Variants in DMXL1 observed in about 807,000 individuals in gnomAD.
DMXL1 encodes Dmx like 1.
DMXL1 carries 99 observed loss-of-function variants against 319.2 expected under a neutral mutation model. That is an observed-to-expected ratio of 0.31 (90% CI 0.26 to 0.37). The LOEUF (loss-of-function observed/expected upper bound fraction) is 0.37, where lower values mean the gene tolerates loss of function less well. Ranked by LOEUF, DMXL1 falls within the 10% of genes least tolerant of loss-of-function variation. DMXL1 has a pLI of 1.00. For synonymous variants in DMXL1, 1,385 were observed against 1,235.2 expected, an observed-to-expected ratio of 1.12 and a Z score of -2.54; for missense variants, 3,745 against 3,595.6, an observed-to-expected ratio of 1.04 and a Z score of -1.06.
At chr5:119,110,046 T>TA in intron 4 of DMXL1, 105 bp from the exon 5 acceptor site, 1 of 1,076,406 alleles carries the variant, frequency 9.3e-7, no homozygotes, top group African/African-American at 1.7e-5. Flanking sequence ...TTTTTTTTGA[T>TA]ATTTGACTTT....
intron 20 of DMXL1, among the ~76,000 whole-genome samples, chr5:119,164,958 A>G (rs958686795): frequency 4.0e-5 from 6 of 150,904 alleles, no homozygotes; most frequent in African/African-American, 1.4e-4. Context: ...AGTACAGAAG[A>G]ACTTGTAATG....
At chr5:119,224,003 G>A (rs1785098950) in intron 37 of DMXL1, among the ~76,000 whole-genome samples, 3 of 152,072 alleles carry the variant, frequency 2.0e-5, no homozygotes, top group African/African-American at 4.8e-5. Context: ...CTATTTTGGA[G>A]TATAACTGCA....
At chr5:119,119,868 G>A (rs1761658271) in intron 8 of DMXL1, among the ~76,000 whole-genome samples, 1 of 150,190 alleles carries the variant, frequency 6.7e-6, no homozygotes, top group Non-Finnish European at 1.5e-5. Flanking sequence ...TTTTTTTTTT[G>A]GGTGGGGGAG....
intron 19 of DMXL1, among the ~76,000 whole-genome samples, chr5:119,156,766 G>A (rs566739498): frequency 7.3e-4 from 110 of 151,288 alleles, no homozygotes; most frequent in African/African-American, 2.6e-3. Context: ...TTCCATAATG[G>A]CTGTACTAAT....
At chr5:119,129,447 A>T (rs1248232901) in intron 10 of DMXL1, 24 bp downstream of exon 10, 2 of 1,547,754 alleles carry the variant, frequency 1.3e-6, no homozygotes, top group Non-Finnish European at 1.7e-6. Flanking sequence ...GGAAAGGAAA[A>T]TTTAAAGTTT....
intron 42 of DMXL1, among the ~76,000 whole-genome samples, 194 bp from the exon 43 acceptor site, chr5:119,244,165 T>G (rs932168983): frequency 6.6e-6 from 1 of 152,214 alleles, no homozygotes; most frequent in African/African-American, 2.4e-5. Context: ...CCAGTTTGTT[T>G]CCCATCTCTC....
chr5:119,110,896 C>T lies in DMXL1; in HGVS notation c.497+613C>T, dbSNP rs181277774. 9.2e-5 allele frequency among the ~76,000 whole-genome samples: 14 copies of T among 152,342 alleles called. No individual in the cohort carries two copies. The East Asian group carries it at 2.5e-3, about 27-fold the overall frequency. On this transcript the variant is annotated intron_variant, in intron 5 of 43. Coordinates refer to ENST00000539542, the MANE Select transcript of DMXL1 (RefSeq NM_001290321.3). The stretch of plus-strand genomic sequence containing the variant: ...CTCCACCTCCCTGGTTCAAGCAATT[C>T]TCCTGCCTCAGCCTCCTGAGGCACT...
At position 119,146,910 on chromosome 5, in the gene DMXL1, G is replaced by A; in HGVS notation, c.2643G>A (p.Leu881=). The change falls in exon 16 of 44, where the codon CTG becomes CTA. Residue 881 remains leucine, a synonymous_variant. Coordinates refer to ENST00000539542, the MANE Select transcript of DMXL1 (RefSeq NM_001290321.3). Reference sequence around the variant, plus strand: ...AATGCACTCAAGACAACCGTTCACTGTTACACATGTGGAATTTACATCTAA... The same window carrying A: ...AATGCACTCAAGACAACCGTTCACTATTACACATGTGGAATTTACATCTAA... ...VIECTQDNRS[L]LHMWNLHLKS... The A allele has an allele frequency of 6.2e-7, 1 of 1,612,118 alleles. No individual in the cohort carries two copies. The highest frequency in any genetic ancestry group is 8.5e-7 in the Non-Finnish European group (1 of 1,178,896).
At chr5:119,225,095 C>A (rs926385903) in intron 38 of DMXL1, among the ~76,000 whole-genome samples, 8 of 151,856 alleles carry the variant, frequency 5.3e-5, no homozygotes, top group African/African-American at 1.9e-4. Flanking sequence ...TTCTGGATTT[C>A]TTTGATCATG....
At chr5:119,088,072 G>A (rs185944127) in intron 1 of DMXL1, among the ~76,000 whole-genome samples, 71 of 152,310 alleles carry the variant, frequency 4.7e-4, no homozygotes, top group Admixed American at 7.2e-4. Context: ...AAAGTGCTGG[G>A]ATTACAGGTG....
At position 119,149,633 on chromosome 5, in the gene DMXL1, G is replaced by A. The variant is rs1254578213; in HGVS notation, c.3806G>A (p.Ser1269Asn). The change falls in exon 18 of 44, where the codon AGT (serine) becomes AAT (asparagine). Residue 1269 changes from serine (S) to asparagine (N), a missense_variant. Transcript: ENST00000539542. ...TCTATAACAAGTTTAATAAAACAGA[G>A]TAACTCCAGTTCTGGGTTACATCCT... Reference protein sequence around the residue: ...TPSITSLIKQSNSSSGLHPPK... With the variant: ...TPSITSLIKQNNSSSGLHPPK... 3.1e-6 allele frequency: 5 copies of A among 1,613,736 alleles called. No homozygotes were observed. The Admixed American group carries it at 5.0e-5, about 16-fold the overall frequency.
intron 1 of DMXL1, among the ~76,000 whole-genome samples, chr5:119,077,321 A>G (rs1375281761): frequency 6.6e-6 from 1 of 152,150 alleles, no homozygotes; most frequent in African/African-American, 2.4e-5. Context: ...AGTTTATTTG[A>G]TAAGCCAGTG....
chr5:119,137,209 C>T (rs1197775446), intron 13 of DMXL1, among the ~76,000 whole-genome samples: 1 of 152,198 alleles, frequency 6.6e-6, no homozygotes, highest in Non-Finnish European at 1.5e-5. Context: ...GACTGCCTGG[C>T]CAGGTTTCAG....
chr5:119,094,161 A>C (rs999677959), intron 1 of DMXL1, among the ~76,000 whole-genome samples: 1 of 152,236 alleles, frequency 6.6e-6, no homozygotes, highest in East Asian at 1.9e-4. Flanking sequence ...TTGGAAGAAG[A>C]TGCCATCTAG....
At chr5:119,087,536 T>G (rs1753645566) in intron 1 of DMXL1, among the ~76,000 whole-genome samples, 1 of 152,212 alleles carries the variant, frequency 6.6e-6, no homozygotes, top group Non-Finnish European at 1.5e-5. Context: ...ATAATTTCTG[T>G]TTTTCAAAAA....
At chr5:119,210,239 C>T (rs1025314160) in intron 34 of DMXL1, among the ~76,000 whole-genome samples, 2 of 152,210 alleles carry the variant, frequency 1.3e-5, no homozygotes, top group Non-Finnish European at 2.9e-5. Context: ...GCGTGAACCA[C>T]CGCAGCCGGC....
At position 119,149,561 on chromosome 5, in the gene DMXL1, C is replaced by A. The variant is rs144716992; in HGVS notation, c.3734C>A (p.Ser1245Tyr). 7.8e-4 allele frequency: 1,258 copies of A among 1,613,920 alleles called. 2 individuals carry two copies. Among genetic ancestry groups the A allele is most frequent in the Non-Finnish European group, 9.8e-4 (1,161 of 1,179,922 alleles). Residue 1245 changes from serine (S) to tyrosine (Y), a missense_variant, in exon 18 of 44, where the codon TCT becomes TAT. Ser to Tyr is a moderately radical substitution (Grantham distance 144). Transcript: ENST00000539542. The part of the protein sequence containing the change: ...MHVYCQWQPS[S>Y]KQEPVITDSY... ...GTGTATTGCCAATGGCAACCATCTT[C>A]TAAACAAGAACCTGTTATAACAGAT...
At chr5:119,171,304 A>G (rs760396018) in intron 24 of DMXL1, 24 bp downstream of exon 24, 4 of 1,551,940 alleles carry the variant, frequency 2.6e-6, no homozygotes, top group African/African-American at 2.8e-5. Flanking sequence ...TTGATAGTCA[A>G]AAATGGTACA....
chr5:119,181,233 G>T (rs1776721835), intron 28 of DMXL1, among the ~76,000 whole-genome samples: 1 of 152,082 alleles, frequency 6.6e-6, no homozygotes, highest in African/African-American at 2.4e-5. Flanking sequence ...AAAATAAAGT[G>T]ACCTAAAATT....
Sources: allele counts gnomAD v4.1 joint callset (sites outside exome capture counted in the v4.1 genomes callset), GRCh38; gene constraint gnomAD v4.1.1; transcripts MANE v1.5; gene names NCBI Gene and HGNC (gene_info 2026-07-23, HGNC 2026-07-21).